The following PRKN variants were observed in gnomAD, a reference collection of about 807,000 sequenced individuals.
PRKN encodes parkin RBR E3 ubiquitin protein ligase, also known as E3 ubiquitin-protein ligase parkin.
In PRKN, 56 loss-of-function variants were observed where a neutral mutation model predicts 59.5. That is an observed-to-expected ratio of 0.94 (90% CI 0.76 to 1.18). The LOEUF is 1.18. Ranked by LOEUF, PRKN falls within the 50% of genes most tolerant of loss-of-function variation. The pLI, the probability that PRKN is intolerant of heterozygous loss-of-function variation, is 0.00. For missense variants in PRKN, 657 were observed against 596.4 expected (o/e 1.10, Z -1.06); for synonymous variants, 250 against 222.1 (o/e 1.13, Z -1.12).
chr6:162,299,393 G>T (rs948246283), intron 2 of PRKN, among the ~76,000 whole-genome samples: 22 of 152,126 alleles, frequency 1.4e-4, no homozygotes, highest in African/African-American at 5.3e-4. Flanking sequence ...GGTGGAATGG[G>T]CACACTAGAA....
intron 1 of PRKN, among the ~76,000 whole-genome samples, chr6:162,560,700 G>A (rs921775729): frequency 6.6e-6 from 1 of 151,838 alleles, no homozygotes; most frequent in African/African-American, 2.4e-5. Flanking sequence ...ATTACAGATT[G>A]TGTTAACAAA....
chr6:162,093,841 C>T lies in PRKN; in HGVS notation c.535-39667G>A, dbSNP rs113093690. Among the ~76,000 whole-genome samples the T allele has an allele frequency of 8.7e-3, 1,324 of 152,286 alleles. 13 individuals carry two copies. The highest frequency in any genetic ancestry group is 0.031 in the African/African-American group (1,279 of 41,558). ...AAGCAGGGACAAAGCCGTGGTCTTCCTTGTTTCCTCTGCACCTCACCTCGT... is the reference window on the plus strand; with the variant it reads ...AAGCAGGGACAAAGCCGTGGTCTTCTTTGTTTCCTCTGCACCTCACCTCGT... On this transcript the variant is annotated intron_variant, in intron 4 of 11. Transcript: ENST00000366898.
intron 9 of PRKN, among the ~76,000 whole-genome samples, chr6:161,438,142 A>T (rs1444738336): frequency 6.6e-6 from 1 of 151,958 alleles, no homozygotes; most frequent in African/African-American, 2.4e-5. Flanking sequence ...TCTGTCCCAG[A>T]AGTTTTGTTA....
intron 7 of PRKN, among the ~76,000 whole-genome samples, chr6:161,645,374 G>T (rs1469951462): frequency 6.6e-6 from 1 of 152,112 alleles, no homozygotes; most frequent in Non-Finnish European, 1.5e-5. Context: ...GGTATGTTCA[G>T]GTAAACTCAT....
intron 7 of PRKN, among the ~76,000 whole-genome samples, chr6:161,640,492 C>A (rs941856691): frequency 1.3e-5 from 2 of 152,142 alleles, no homozygotes; most frequent in African/African-American, 4.8e-5. Context: ...TTAGTCTCAA[C>A]TGGTATGAAA....
chr6:161,449,811 C>A (rs1313623816), intron 9 of PRKN, among the ~76,000 whole-genome samples: 2 of 152,188 alleles, frequency 1.3e-5, no homozygotes, highest in Non-Finnish European at 1.5e-5. Context: ...TTGTTCTACA[C>A]AGACAGGTGT....
chr6:161,976,086 G>T (rs1781020790), intron 5 of PRKN, among the ~76,000 whole-genome samples: 2 of 152,026 alleles, frequency 1.3e-5, no homozygotes, highest in South Asian at 4.2e-4. Flanking sequence ...TTGTATTTTT[G>T]TAGAGATGGG....
At chr6:162,250,999 A>G (rs1779410473) in intron 3 of PRKN, among the ~76,000 whole-genome samples, 2 of 152,054 alleles carry the variant, frequency 1.3e-5, no homozygotes, top group Non-Finnish European at 2.9e-5. Context: ...GGGACACTGA[A>G]TCTTCATTAG....
intron 2 of PRKN, among the ~76,000 whole-genome samples, chr6:162,296,698 GAAAA>G (rs1264553418): frequency 2.0e-5 from 3 of 152,042 alleles, no homozygotes; most frequent in African/African-American, 7.2e-5. Flanking sequence ...TACCCAGCAG[GAAAA>G]AAGCCAATTA....
At chr6:161,895,054 T>C (rs909395238) in intron 6 of PRKN, among the ~76,000 whole-genome samples, 5 of 152,244 alleles carry the variant, frequency 3.3e-5, no homozygotes, top group East Asian at 3.8e-4. Context: ...TAAAACTTTG[T>C]ATTGACTTTC....
chr6:162,011,359 A>G (rs1782676945), intron 5 of PRKN, among the ~76,000 whole-genome samples: 1 of 13,996 alleles, frequency 7.1e-5, no homozygotes, highest in Non-Finnish European at 1.1e-4. Context: ...ATATATATTT[A>G]TAATATATAT....
At chr6:161,818,873 C>A (rs1264273016) in intron 6 of PRKN, among the ~76,000 whole-genome samples, 1 of 152,058 alleles carries the variant, frequency 6.6e-6, no homozygotes, top group Non-Finnish European at 1.5e-5. Context: ...GAAGGTCAAG[C>A]CCTGTAGGTA....
At chr6:162,534,706 T>G (rs1032893742) in intron 1 of PRKN, among the ~76,000 whole-genome samples, 47 of 152,174 alleles carry the variant, frequency 3.1e-4, no homozygotes, top group African/African-American at 1.1e-3. Flanking sequence ...CGAGCCACTT[T>G]CTGGCTAATT....
At chr6:161,658,339 A>G (rs1784430417) in intron 7 of PRKN, among the ~76,000 whole-genome samples, 1 of 152,224 alleles carries the variant, frequency 6.6e-6, no homozygotes, top group Non-Finnish European at 1.5e-5. Flanking sequence ...CTTTCAATAA[A>G]GAGAAAAGAG....
chr6:162,580,343 T>A (rs576415327), intron 1 of PRKN, among the ~76,000 whole-genome samples: 2 of 150,258 alleles, frequency 1.3e-5, no homozygotes, highest in Non-Finnish European at 3.0e-5. Flanking sequence ...AAGGCTGAGG[T>A]AGGAGGATCA....
intron 2 of PRKN, among the ~76,000 whole-genome samples, chr6:162,330,698 G>A (rs1004427790): frequency 2.0e-5 from 3 of 152,192 alleles, no homozygotes; most frequent in African/African-American, 7.2e-5. Flanking sequence ...CTGTGCCATT[G>A]TATTTAAGTG....
At chr6:162,405,515 A>G (rs2128151880) in intron 2 of PRKN, among the ~76,000 whole-genome samples, 1 of 152,270 alleles carries the variant, frequency 6.6e-6, no homozygotes, top group Admixed American at 6.5e-5. Context: ...GGGAATGCAG[A>G]TGCCAGGTGC....
Position 161,423,678 on chromosome 6 carries a change from C to T in PRKN, c.1084-36801G>A, listed in dbSNP as rs576221563. On this transcript the variant is annotated intron_variant, in intron 9 of 11. Coordinates refer to ENST00000366898, the MANE Select transcript of PRKN (RefSeq NM_004562.3). This position sits in a 1 kb window ranked among gnomAD's most constrained non-coding sequence, Gnocchi z 5.9. ...CTTCCTCTGCACACTCTAGCTACAGCAGGGCCTTACCATGGCTCATTGTCC... is the reference window on the plus strand; with the variant it reads ...CTTCCTCTGCACACTCTAGCTACAGTAGGGCCTTACCATGGCTCATTGTCC... Among the ~76,000 whole-genome samples the T allele has an allele frequency of 6.6e-6, 1 of 152,296 alleles. No individual in the cohort carries two copies. Among genetic ancestry groups the T allele is most frequent in the South Asian group, 2.1e-4 (1 of 4,832 alleles).
At chr6:162,302,985 C>T (rs916201604) in intron 2 of PRKN, among the ~76,000 whole-genome samples, 11 of 151,480 alleles carry the variant, frequency 7.3e-5, no homozygotes, top group African/African-American at 2.4e-4. Flanking sequence ...CACACACACA[C>T]ACACACACAC....
Sources: allele counts gnomAD v4.1 joint callset (sites outside exome capture counted in the v4.1 genomes callset), GRCh38; gene constraint gnomAD v4.1.1; non-coding constraint Gnocchi (gnomAD v3.1); transcripts MANE v1.5; gene names NCBI Gene and HGNC (gene_info 2026-07-23, HGNC 2026-07-21).